NRXN3: variants seen among roughly 807,000 people sequenced by gnomAD.
NRXN3 encodes neurexin III.
NRXN3 carries 32 observed loss-of-function variants against 137.6 expected under a neutral mutation model. The observed-to-expected ratio is 0.23, with a 90% CI of 0.18 to 0.31. The LOEUF is 0.31. Among genes scored for constraint, NRXN3 ranks in the 10% least tolerant of loss-of-function variants. The pLI, the probability that NRXN3 is intolerant of heterozygous loss-of-function variation, is 1.00. For missense variants in NRXN3, 1,574 were observed against 2,062.5 expected, an observed-to-expected ratio of 0.76 and a Z score of 4.59; for synonymous variants, 798 against 784.5, an observed-to-expected ratio of 1.02 and a Z score of -0.29.
intron 1 of NRXN3, among the ~76,000 whole-genome samples, chr14:78,171,858 A>C (rs560764037): frequency 6.6e-6 from 1 of 152,170 alleles, no homozygotes; most frequent in African/African-American, 2.4e-5. Flanking sequence ...GGGTTTAGGT[A>C]AAGTAGGATT....
intron 19 of NRXN3, among the ~76,000 whole-genome samples, chr14:79,747,576 T>C (rs1412174270): frequency 6.6e-6 from 1 of 152,094 alleles, no homozygotes; most frequent in East Asian, 1.9e-4. Flanking sequence ...CAAGGACTGA[T>C]CTACTAAAGC....
chr14:79,785,556 T>G (rs1054126075), intron 19 of NRXN3, among the ~76,000 whole-genome samples: 1 of 152,204 alleles, frequency 6.6e-6, no homozygotes, highest in Non-Finnish European at 1.5e-5. Flanking sequence ...CCCCATGAAT[T>G]CCTCTGACAT....
chr14:79,831,329 T>C (rs2141251324), intron 20 of NRXN3, among the ~76,000 whole-genome samples: 1 of 152,296 alleles, frequency 6.6e-6, no homozygotes, highest in African/African-American at 2.4e-5. Context: ...ACATGAGAAT[T>C]GGTCACGTAC....
intron 15 of NRXN3, among the ~76,000 whole-genome samples, chr14:78,999,118 G>A (rs947563110): frequency 1.3e-5 from 2 of 152,150 alleles, no homozygotes; most frequent in African/African-American, 4.8e-5. Context: ...TCAGAAAAGT[G>A]GAGTTGTTTC....
intron 19 of NRXN3, among the ~76,000 whole-genome samples, chr14:79,716,526 C>T (rs532250277): frequency 1.1e-4 from 17 of 152,088 alleles, no homozygotes; most frequent in Non-Finnish European, 2.1e-4. Flanking sequence ...AAATCAGCAA[C>T]GTGAAAATTT....
chr14:79,452,038 G>T (rs1226594535), intron 15 of NRXN3, among the ~76,000 whole-genome samples: 1 of 150,188 alleles, frequency 6.7e-6, no homozygotes, highest in Non-Finnish European at 1.5e-5. Flanking sequence ...AGCTGAGCCT[G>T]AGATAAGGAC....
chr14:79,289,735 A>T (rs1044384161), intron 15 of NRXN3, among the ~76,000 whole-genome samples: 1 of 152,190 alleles, frequency 6.6e-6, no homozygotes, highest in African/African-American at 2.4e-5. Flanking sequence ...CTCAGTGTGA[A>T]AAAGTGCTCA....
At chr14:79,228,690 A>G (rs1053128988) in intron 15 of NRXN3, among the ~76,000 whole-genome samples, 1 of 152,214 alleles carries the variant, frequency 6.6e-6, no homozygotes, top group African/African-American at 2.4e-5. Flanking sequence ...TGCATTAGCT[A>G]TAGCTGACTG....
chr14:78,865,883 T>A (rs2152546552), intron 10 of NRXN3, among the ~76,000 whole-genome samples: 1 of 152,162 alleles, frequency 6.6e-6, no homozygotes, highest in Non-Finnish European at 1.5e-5. Context: ...ACTTCTACAG[T>A]GGGAAAATTT....
chr14:79,722,883 G>A (rs748355176), intron 19 of NRXN3, among the ~76,000 whole-genome samples: 20 of 152,106 alleles, frequency 1.3e-4, no homozygotes, highest in Non-Finnish European at 2.5e-4. Flanking sequence ...TATATGGAGT[G>A]TAACAAAGTA....
At chr14:79,218,262 A>G (rs548805222) in intron 15 of NRXN3, among the ~76,000 whole-genome samples, 3 of 152,316 alleles carry the variant, frequency 2.0e-5, no homozygotes, top group South Asian at 2.1e-4. Flanking sequence ...CAGATCCACT[A>G]TGAATTCAGA....
intron 8 of NRXN3, among the ~76,000 whole-genome samples, chr14:78,755,564 T>C (rs562089582): frequency 3.9e-5 from 6 of 152,368 alleles, no homozygotes. Flanking sequence ...GGGAGTTCTA[T>C]TGACTGCTAG....
chr14:79,733,418 T>C (rs558110546), intron 19 of NRXN3, among the ~76,000 whole-genome samples: 1 of 152,310 alleles, frequency 6.6e-6, no homozygotes. Flanking sequence ...TAATGTTCTT[T>C]GGTTATCAGG....
chr14:78,608,788 A>G (rs1369434221), intron 4 of NRXN3, among the ~76,000 whole-genome samples: 5 of 152,184 alleles, frequency 3.3e-5, no homozygotes, highest in Non-Finnish European at 7.3e-5. Context: ...TTATTACCAT[A>G]GTGCTACCCC....
chr14:78,302,264 T>C (rs1163121832), intron 4 of NRXN3, among the ~76,000 whole-genome samples: 1 of 152,204 alleles, frequency 6.6e-6, no homozygotes, highest in Non-Finnish European at 1.5e-5. Context: ...AGTATCTTAT[T>C]TTCTTTCTCG....
At chr14:79,835,081 T>A (rs182308650) in intron 20 of NRXN3, among the ~76,000 whole-genome samples, 1 of 152,208 alleles carries the variant, frequency 6.6e-6, no homozygotes, top group East Asian at 1.9e-4. Flanking sequence ...CTTAGCATAA[T>A]AGGGGGACTA....
chr14:79,192,486 T>C (rs72688940), intron 15 of NRXN3, among the ~76,000 whole-genome samples: 7,719 of 152,258 alleles, frequency 0.051, 291 homozygotes, highest in Non-Finnish European at 0.074. Flanking sequence ...TAGGCATATT[T>C]TCCAGTACAC....
intron 15 of NRXN3, among the ~76,000 whole-genome samples, chr14:79,248,420 G>T (rs2075496488): frequency 6.6e-6 from 1 of 152,080 alleles, no homozygotes; most frequent in South Asian, 2.1e-4. Flanking sequence ...CCTGTTTGCT[G>T]CCATTTCCGT....
intron 4 of NRXN3, among the ~76,000 whole-genome samples, chr14:78,492,529 T>G (rs1233291697): frequency 6.6e-6 from 1 of 152,174 alleles, no homozygotes; most frequent in Non-Finnish European, 1.5e-5. Flanking sequence ...TTAGTATTGG[T>G]ATAGTATAAA....
Sources: allele counts gnomAD v4.1 joint callset (sites outside exome capture counted in the v4.1 genomes callset), GRCh38; gene constraint gnomAD v4.1.1; transcripts MANE v1.5; gene names NCBI Gene and HGNC (gene_info 2026-07-23, HGNC 2026-07-21).